Variants in KHDRBS2 observed in about 807,000 individuals in gnomAD.
KHDRBS2 encodes the protein KH domain-containing, RNA-binding, signal transduction-associated protein 2.
Under a neutral mutation model 44.3 loss-of-function variants are expected in KHDRBS2, and 26 were observed. The ratio of observed to expected loss-of-function variants is 0.59; its 90% CI spans 0.43 to 0.81. The LOEUF (loss-of-function observed/expected upper bound fraction) is 0.81, where lower values mean the gene tolerates loss of function less well. Among genes scored for constraint, KHDRBS2 ranks in the 40% least tolerant of loss-of-function variants. The pLI is 0.00. For missense variants in KHDRBS2, 476 were observed against 433.1 expected (o/e 1.10, Z -0.88); for synonymous variants, 194 against 151.1 (o/e 1.28, Z -2.08).
the KHDRBS2 span, among the ~76,000 whole-genome samples, chr6:61,599,235 C>G: frequency 6.6e-6 from 1 of 152,040 alleles, no homozygotes; most frequent in African/African-American, 2.4e-5. Flanking sequence ...GATTTATACG[C>G]TCTTTTTGAT....
intron 1 of KHDRBS2, among the ~76,000 whole-genome samples, chr6:62,190,781 A>G (rs1824438122): frequency 6.6e-6 from 1 of 152,110 alleles, no homozygotes; most frequent in South Asian, 2.1e-4. Flanking sequence ...CCCAAGAACA[A>G]CAAAACCAGA....
the KHDRBS2 span, among the ~76,000 whole-genome samples, chr6:61,654,792 T>C: frequency 1.3e-5 from 2 of 151,350 alleles, no homozygotes; most frequent in Non-Finnish European, 2.9e-5. Flanking sequence ...CACAGGAGCC[T>C]TGGATTACCT....
At chr6:61,665,298 T>C in the KHDRBS2 span, among the ~76,000 whole-genome samples, 5 of 151,488 alleles carry the variant, frequency 3.3e-5, no homozygotes, top group African/African-American at 4.8e-5. Context: ...TGGTTTTAAA[T>C]GTTGCCAGAA....
intron 4 of KHDRBS2, among the ~76,000 whole-genome samples, chr6:61,922,231 T>C (rs1808203321): frequency 6.6e-6 from 1 of 152,066 alleles, no homozygotes; most frequent in South Asian, 2.1e-4. Flanking sequence ...TTAAAAAATT[T>C]CAAAGCAATG....
At chr6:61,814,698 C>A (rs1429729081) in intron 6 of KHDRBS2, among the ~76,000 whole-genome samples, 5 of 152,108 alleles carry the variant, frequency 3.3e-5, no homozygotes, top group Non-Finnish European at 7.4e-5. Flanking sequence ...TGTTTGGGTT[C>A]AAATGAGTGT....
At chr6:62,060,915 T>A (rs1236869965) in intron 2 of KHDRBS2, among the ~76,000 whole-genome samples, 1 of 151,910 alleles carries the variant, frequency 6.6e-6, no homozygotes, top group African/African-American at 2.4e-5. Flanking sequence ...TATGTTAAAA[T>A]CATATTATAC....
chr6:61,572,566 C>A, the KHDRBS2 span, among the ~76,000 whole-genome samples: 2 of 151,924 alleles, frequency 1.3e-5, no homozygotes, highest in African/African-American at 2.4e-5. Context: ...ATGCAAAAAT[C>A]CTCACAAAAA....
intron 3 of KHDRBS2, among the ~76,000 whole-genome samples, chr6:62,011,566 G>A (rs1217795286): frequency 2.0e-5 from 3 of 152,078 alleles, no homozygotes; most frequent in Non-Finnish European, 4.4e-5. Context: ...TTAACCTCAA[G>A]ATTTATGTCA....
intron 3 of KHDRBS2, among the ~76,000 whole-genome samples, chr6:62,046,826 A>T (rs1344613757): frequency 6.6e-6 from 1 of 151,872 alleles, no homozygotes; most frequent in African/African-American, 2.4e-5. Context: ...AGTAATCAAA[A>T]GTTATCCCAA....
the KHDRBS2 span, among the ~76,000 whole-genome samples, chr6:61,571,795 G>A: frequency 6.6e-6 from 1 of 151,708 alleles, no homozygotes; most frequent in African/African-American, 2.4e-5. Flanking sequence ...AAAACCTCTG[G>A]GAGACAGCAT....
At chr6:62,027,434 A>G (rs1783572754) in intron 3 of KHDRBS2, among the ~76,000 whole-genome samples, 1 of 152,118 alleles carries the variant, frequency 6.6e-6, no homozygotes, top group Admixed American at 6.6e-5. Flanking sequence ...TTTAAGTGGT[A>G]AAAGCAATAA....
intron 1 of KHDRBS2, among the ~76,000 whole-genome samples, chr6:62,271,934 TA>T (rs1840158804): frequency 6.6e-6 from 1 of 152,158 alleles, no homozygotes; most frequent in Non-Finnish European, 1.5e-5. Flanking sequence ...TTACAGTGTT[TA>T]TAAAGTCTAC....
chr6:61,571,730 G>A, the KHDRBS2 span, among the ~76,000 whole-genome samples: 1 of 151,964 alleles, frequency 6.6e-6, no homozygotes, highest in African/African-American at 2.4e-5. Flanking sequence ...GACCACAGTG[G>A]AATAAAACTG....
the KHDRBS2 span, among the ~76,000 whole-genome samples, chr6:61,566,060 C>T: frequency 5.2e-4 from 79 of 150,866 alleles, no homozygotes; most frequent in African/African-American, 1.8e-3. Context: ...TATTATGCAG[C>T]CATACAAAAA....
Position 61,848,570 on chromosome 6 carries a change from T to TAC in KHDRBS2, c.810+46064_810+46065insGT, listed in dbSNP as rs1380347795. 2.9e-4 allele frequency among the ~76,000 whole-genome samples: 21 copies of TAC among 71,526 alleles called. 4 individuals carry two copies. The highest frequency in any genetic ancestry group is 4.8e-4 in the Non-Finnish European group (18 of 37,246). 46.9% of individuals were successfully genotyped at this position (71,526 alleles called of 152,430 possible). On this transcript the variant is annotated intron_variant, in intron 6 of 8. Transcript: ENST00000281156. The stretch of plus-strand genomic sequence containing the variant: ...ATATATACATATATATATGTATATA[T>TAC]ATATACATATATATATATATATACT...
intron 6 of KHDRBS2, among the ~76,000 whole-genome samples, chr6:61,892,310 A>G (rs1562381885): frequency 6.6e-6 from 1 of 152,352 alleles, no homozygotes. Context: ...CAATATCATG[A>G]AAATGGCCAT....
chr6:61,686,688 C>T (rs1766846605), intron 8 of KHDRBS2, among the ~76,000 whole-genome samples: 1 of 151,524 alleles, frequency 6.6e-6, no homozygotes, highest in Non-Finnish European at 1.5e-5. Context: ...CTTTTTAAAG[C>T]TGAGGAAACT....
chr6:61,864,332 T>C (rs1326275037), intron 6 of KHDRBS2, among the ~76,000 whole-genome samples: 3 of 152,164 alleles, frequency 2.0e-5, no homozygotes, highest in Non-Finnish European at 4.4e-5. Flanking sequence ...GCAAGGTGGT[T>C]ATTTTTCAGA....
chr6:61,683,865 G>T (rs942670927), intron 8 of KHDRBS2, among the ~76,000 whole-genome samples: 1 of 151,818 alleles, frequency 6.6e-6, no homozygotes, highest in Admixed American at 6.6e-5. Flanking sequence ...ATACTTGTAC[G>T]TGGAAAAGTA....
Sources: gnomAD v4.1 joint callset for allele counts (sites outside exome capture counted in the v4.1 genomes callset) on GRCh38, gnomAD v4.1.1 for gene constraint, MANE v1.5 for transcripts, NCBI Gene and HGNC (gene_info 2026-07-23, HGNC 2026-07-21) for gene names.